Variants in IQSEC1 observed in about 807,000 individuals in gnomAD.
IQSEC1 encodes the protein IQ motif and Sec7 domain ArfGEF 1, also known as IQ motif and SEC7 domain-containing protein 1.
In IQSEC1, 31 loss-of-function variants were observed where a neutral mutation model predicts 91.0. That is an observed-to-expected ratio of 0.34 (90% CI 0.26 to 0.46). The LOEUF is 0.46. IQSEC1 is among the 20% of genes least tolerant of loss of function. The pLI is 1.00. For missense variants in IQSEC1, 1,388 were observed against 1,575.6 expected (o/e 0.88, Z 2.02); for synonymous variants, 699 against 662.6 (o/e 1.05, Z -0.84).
intron 1 of IQSEC1, among the ~76,000 whole-genome samples, chr3:13,046,877 C>CT (rs1704515646): frequency 6.6e-6 from 1 of 152,236 alleles, no homozygotes; most frequent in African/African-American, 2.4e-5. Flanking sequence ...TGTCACTTGT[C>CT]TTTCTTGCCC....
At chr3:12,965,088 T>G (rs1275659631) in intron 1 of IQSEC1, among the ~76,000 whole-genome samples, 1 of 152,214 alleles carries the variant, frequency 6.6e-6, no homozygotes, top group African/African-American at 2.4e-5. Context: ...GGGGTTCTCC[T>G]GTAGGCTCCC....
At chr3:13,108,255 T>C (rs1706186046) in intron 2 of IQSEC1, among the ~76,000 whole-genome samples, 1 of 152,222 alleles carries the variant, frequency 6.6e-6, no homozygotes, top group Non-Finnish European at 1.5e-5. Context: ...TACCCACACA[T>C]GTGGCTGTAA....
At chr3:13,092,194 C>A (rs543784978) in intron 2 of IQSEC1, among the ~76,000 whole-genome samples, 1 of 152,176 alleles carries the variant, frequency 6.6e-6, no homozygotes, top group African/African-American at 2.4e-5. Context: ...ACATACCAGG[C>A]AGGAGAAGAA....
At chr3:13,257,786 C>A (rs986163700) in intron 1 of IQSEC1, among the ~76,000 whole-genome samples, 1 of 152,226 alleles carries the variant, frequency 6.6e-6, no homozygotes, top group Non-Finnish European at 1.5e-5. Context: ...ACTACATACG[C>A]CCCTGCCACA....
chr3:12,908,465 T>G lies in IQSEC1; in HGVS notation c.2639A>C (p.Lys880Thr). The G allele has an allele frequency of 6.2e-7, 1 of 1,613,590 alleles. No homozygotes were observed. The highest frequency in any genetic ancestry group is 1.7e-5 in the Admixed American group (1 of 60,020). The change falls in exon 12 of 14, where the codon AAA becomes ACA. Residue 880 changes from lysine (K) to threonine (T), a missense_variant. By Grantham distance (78) the Lys-to-Thr change is moderately conservative (BLOSUM62 -1). Around this residue, in one of 2 missense-constraint regions of IQSEC1, gnomAD observed 1,059 missense variants for 1,317.8 expected, o/e 0.80. Coordinates refer to ENST00000613206, the MANE Select transcript of IQSEC1 (RefSeq NM_001134382.3). This position sits in a 1 kb window ranked among gnomAD's most constrained non-coding sequence, Gnocchi z 4.9. ...RPSMSQCSSL[K>T]KESGNGTLSR... is the part of the protein sequence containing the mutation. ...CAGTGTTCCGTTGCCCGACTCCTTT[T>G]TGAGGCTAGAGCACTGGGACATGCT...
Position 12,909,931 on chromosome 3 carries a change from G to A in IQSEC1, c.2417-497C>T, listed in dbSNP as rs1695406113. ...TCCTGGCGGTGCTGCTCCGGCAGTG[G>A]GAGTCACTGGCAGAGCATCAGCCAC... On this transcript the variant is annotated intron_variant, in intron 10 of 13. Coordinates refer to ENST00000613206, the MANE Select transcript of IQSEC1 (RefSeq NM_001134382.3). The surrounding 1 kb of genome is among the most constrained non-coding windows in gnomAD (Gnocchi z 4.9). 2.0e-5 allele frequency among the ~76,000 whole-genome samples: 3 copies of A among 152,228 alleles called. No individual in the cohort carries two copies. The highest frequency in any genetic ancestry group is 4.4e-5 in the Non-Finnish European group (3 of 68,042).
chr3:13,180,394 C>T (rs934362047), intron 1 of IQSEC1, among the ~76,000 whole-genome samples: 10 of 152,050 alleles, frequency 6.6e-5, no homozygotes, highest in Non-Finnish European at 1.2e-4. Context: ...TCTAGCTAAT[C>T]TAGTGGGGAC....
chr3:13,200,927 C>A (rs1694232810), intron 1 of IQSEC1, among the ~76,000 whole-genome samples: 2 of 152,140 alleles, frequency 1.3e-5, no homozygotes, highest in Admixed American at 1.3e-4. Flanking sequence ...CAGTGGAAAG[C>A]CGTAACATGC....
chr3:12,911,805 T>A lies in IQSEC1; in HGVS notation c.2317-77A>T. 4 of 1,004,852 alleles carry A rather than the reference T, an allele frequency of 4.0e-6. No individual in the cohort carries two copies. In the South Asian group the frequency reaches 5.2e-5, roughly 13 times the overall value. 62.2% of individuals were successfully genotyped at this position (1,004,852 alleles called of 1,614,324 possible). On this transcript the variant is annotated intron_variant, in intron 9 of 13. Transcript: ENST00000613206. ...CTATGTGGGACCTCTGGTCAGAGGA[T>A]CCTCCTGGAGTTCAAAGTCAGGAGG...
At chr3:13,050,190 C>T (rs1407012451) in intron 1 of IQSEC1, among the ~76,000 whole-genome samples, 1 of 152,142 alleles carries the variant, frequency 6.6e-6, no homozygotes, top group African/African-American at 2.4e-5. Flanking sequence ...CCTCTGTCAA[C>T]TGCCTTGTTG....
intron 1 of IQSEC1, among the ~76,000 whole-genome samples, chr3:13,041,167 G>A (rs145090684): frequency 6.6e-6 from 1 of 151,694 alleles, no homozygotes; most frequent in East Asian, 1.9e-4. Context: ...GGTAGACACC[G>A]AATCACTGAC....
intron 2 of IQSEC1, among the ~76,000 whole-genome samples, chr3:13,083,367 G>T (rs1448543764): frequency 6.6e-6 from 1 of 152,224 alleles, no homozygotes; most frequent in African/African-American, 2.4e-5. Context: ...TGTGGCAGCA[G>T]ATAACAACCG....
intron 2 of IQSEC1, among the ~76,000 whole-genome samples, chr3:13,151,045 G>C (rs558149545): frequency 6.6e-6 from 1 of 152,336 alleles, no homozygotes; most frequent in South Asian, 2.1e-4. Flanking sequence ...GAAGTCCCCA[G>C]CAGCAGGACA....
chr3:13,063,815 C>T (rs574201444), intron 1 of IQSEC1, among the ~76,000 whole-genome samples: 1 of 152,280 alleles, frequency 6.6e-6, no homozygotes, highest in South Asian at 2.1e-4. Flanking sequence ...TCTCAGGTGT[C>T]AGGGAGTGGA....
At chr3:13,252,988 T>A (rs368851128) in intron 1 of IQSEC1, among the ~76,000 whole-genome samples, 3 of 152,194 alleles carry the variant, frequency 2.0e-5, no homozygotes, top group African/African-American at 4.8e-5. Context: ...CGCCTCGGCC[T>A]CCCAAAGTGC....
intron 1 of IQSEC1, among the ~76,000 whole-genome samples, chr3:13,041,895 G>A (rs1436283510): frequency 6.6e-6 from 1 of 152,224 alleles, no homozygotes; most frequent in African/African-American, 2.4e-5. Context: ...TGCTTAGGGA[G>A]GAGGCAGGCC....
chr3:13,196,834 A>C (rs866676299), intron 1 of IQSEC1, among the ~76,000 whole-genome samples: 18 of 152,136 alleles, frequency 1.2e-4, no homozygotes, highest in African/African-American at 3.6e-4. Context: ...GTCCAGAAAG[A>C]AGCAGCCGCA....
chr3:13,209,919 A>G (rs555081100), intron 1 of IQSEC1, among the ~76,000 whole-genome samples: 5 of 152,188 alleles, frequency 3.3e-5, no homozygotes, highest in African/African-American at 1.2e-4. Flanking sequence ...CCATCCTCCA[A>G]CCTTTCCCAT....
At chr3:13,280,170 G>A (rs1168763322) in intron 1 of IQSEC1, among the ~76,000 whole-genome samples, 1 of 152,184 alleles carries the variant, frequency 6.6e-6, no homozygotes, top group Non-Finnish European at 1.5e-5. Flanking sequence ...TCACCGGCTG[G>A]GAAGTGCAGG....
Sources: gnomAD v4.1 joint callset for allele counts (sites outside exome capture counted in the v4.1 genomes callset) on GRCh38, gnomAD v4.1.1 for gene constraint, gnomAD v4.1.1 regional missense constraint, Gnocchi (gnomAD v3.1) non-coding constraint, MANE v1.5 for transcripts, NCBI Gene and HGNC (gene_info 2026-07-23, HGNC 2026-07-21) for gene names.